The following HMCN2 variants were observed in gnomAD, a reference collection of about 807,000 sequenced individuals.
HMCN2 encodes the protein hemicentin 2.
HMCN2 carries 325 observed loss-of-function variants against 377.5 expected under a neutral mutation model. The observed-to-expected ratio is 0.86, with a 90% confidence interval of 0.79 to 0.94. The LOEUF (loss-of-function observed/expected upper bound fraction) is 0.94. Among genes scored for constraint, HMCN2 ranks in the 40% least tolerant of loss-of-function variants. The pLI, the probability that HMCN2 is intolerant of heterozygous loss-of-function variation, is 0.00. For synonymous variants in HMCN2, 2,007 were observed against 2,046.8 expected (o/e 0.98, Z 0.53); for missense variants, 4,543 against 4,725.3 (o/e 0.96, Z 1.13).
intron 44 of HMCN2, 89 bp downstream of exon 44, chr9:130,368,526 G>A (rs929654990): frequency 1.8e-5 from 13 of 721,242 alleles, no homozygotes; most frequent in Non-Finnish European, 2.2e-5. Context: ...ATACGGGGAA[G>A]TGATGGTGTG....
At chr9:130,348,852 G>T (rs1839539079) in intron 27 of HMCN2, 132 bp from the exon 28 acceptor site, 1 of 1,202,144 alleles carries the variant, frequency 8.3e-7, no homozygotes, top group African/African-American at 1.6e-5. Context: ...AGCCTGGCAG[G>T]GGCTGCGTGG....
chr9:130,341,487 G>A (rs1202788445), intron 24 of HMCN2, 122 bp downstream of exon 24: 1 of 152,300 alleles, frequency 6.6e-6, no homozygotes, highest in Non-Finnish European at 1.5e-5. Context: ...TCGTGGGACA[G>A]ATAGAGCCCT....
In HMCN2 at chr9:130,422,134, C is replaced by T. The variant is rs903465745; in HGVS notation, c.13232-443C>T. ...GGCCAGCAGCACTGATGGAATGGGG[C>T]TGTTCAGGTGATGGCACCCGGCTCT... On this transcript the variant is annotated intron_variant, in intron 86 of 97. Transcript: ENST00000683500. The surrounding 1 kb of genome is among the most constrained non-coding windows in gnomAD (Gnocchi z 4.2). 6.6e-6 allele frequency among the ~76,000 whole-genome samples: 1 copy of T among 152,244 alleles called. No homozygotes were observed. Among genetic ancestry groups the T allele is most frequent in the Non-Finnish European group, 1.5e-5 (1 of 68,048 alleles).
chr9:130,355,092 G>C (rs1450494551), intron 32 of HMCN2, 48 bp downstream of exon 32: 22 of 1,219,982 alleles, frequency 1.8e-5, no homozygotes, highest in Non-Finnish European at 2.2e-5. Context: ...GTGGACGTCT[G>C]CCCAGGCCTG....
intron 79 of HMCN2, 118 bp downstream of exon 79, chr9:130,403,446 G>A: frequency 8.8e-7 from 1 of 1,132,840 alleles, no homozygotes; most frequent in Non-Finnish European, 1.1e-6. Context: ...GTCCTGGAAA[G>A]CCCCTGGCCT....
At chr9:130,390,163 C>T (rs1842231202) in intron 62 of HMCN2, among the ~76,000 whole-genome samples, 1 of 152,238 alleles carries the variant, frequency 6.6e-6, no homozygotes, top group South Asian at 2.1e-4. Context: ...CCCACCCAGG[C>T]TCCCGTGGTC....
At chr9:130,425,564 G>GGGCTTGGGGA (rs1844288398) in intron 89 of HMCN2, 123 bp from the exon 90 acceptor site, 1 of 721,404 alleles carries the variant, frequency 1.4e-6, no homozygotes, top group Admixed American at 2.3e-5. Context: ...CCCTGAGTTG[G>GGGCTTGGGGA]GGTAAGGGTC....
intron 1 of HMCN2, among the ~76,000 whole-genome samples, chr9:130,280,614 A>C (rs1163755891): frequency 6.6e-6 from 1 of 152,112 alleles, no homozygotes; most frequent in African/African-American, 2.4e-5. Context: ...TGACTGAGTA[A>C]CTTTCTGAAA....
intron 85 of HMCN2, among the ~76,000 whole-genome samples, chr9:130,413,679 G>A (rs1415163165): frequency 2.6e-5 from 4 of 152,054 alleles, no homozygotes; most frequent in Non-Finnish European, 4.4e-5. Context: ...ATCCTGGGCC[G>A]CATACTTGAG....
In HMCN2 at chr9:130,285,356, C is replaced by T. The variant is rs186993121; in HGVS notation, c.489+40C>T. On this transcript the variant is annotated intron_variant, in intron 3 of 97. Transcript: ENST00000683500. The stretch of plus-strand genomic sequence containing the variant: ...TGTGGGGGCCCAAAGTGGGGTCCCC[C>T]GGGGGTCCCGAGGAAGCTGGGGTCT... The T allele has an allele frequency of 1.7e-4, 78 of 467,552 alleles. 1 individual carries two copies. The East Asian group carries it at 3.2e-3, about 19-fold the overall frequency. 29.0% of individuals were successfully genotyped at this position (467,552 alleles called of 1,614,324 possible). A position where few individuals can be genotyped will look rare whatever the true frequency, so the allele number is the denominator to read the frequency against.
chr9:130,383,653 G>T, intron 57 of HMCN2, 53 bp downstream of exon 57: 1 of 856,280 alleles, frequency 1.2e-6, no homozygotes, highest in Non-Finnish European at 1.4e-6. Flanking sequence ...CTTCCCAGGG[G>T]GCACTGCCTT....
At chr9:130,419,112 C>A in intron 86 of HMCN2, 71 bp downstream of exon 86, 2 of 1,374,944 alleles carry the variant, frequency 1.5e-6, no homozygotes, top group Non-Finnish European at 1.9e-6. Context: ...TTGTGTGGTG[C>A]TTATGGGAGA....
At chr9:130,324,324 A>C (rs1483149634) in intron 19 of HMCN2, among the ~76,000 whole-genome samples, 3 of 152,204 alleles carry the variant, frequency 2.0e-5, no homozygotes, top group Non-Finnish European at 4.4e-5. Context: ...AGGTTCATCC[A>C]TGGTGTAGCA....
intron 62 of HMCN2, 107 bp downstream of exon 62, chr9:130,388,647 A>T: frequency 1.2e-6 from 1 of 806,640 alleles, no homozygotes; most frequent in Non-Finnish European, 1.5e-6. Context: ...ATCTTGGCAA[A>T]ACCAGAGACT....
rs141468114 is a variant in HMCN2, at chr9:130,353,044, A to G, written c.4703A>G (p.Lys1568Arg). The change falls in exon 31 of 98, where the codon AAG (lysine) becomes AGG (arginine). Residue 1568 changes from lysine to arginine, a missense_variant. Physicochemically the swap from Lys to Arg is conservative, Grantham distance 26 (BLOSUM62 2). This residue lies in a region of HMCN2 where 1,032 missense variants were observed against 1,285.1 expected (regional missense o/e 0.80). Transcript: ENST00000683500. ...GVPTPNITWFKDGALLPTSTK... is the reference protein window; with the variant it reads ...GVPTPNITWFRDGALLPTSTK... ...CCCACCCCAAACATCACCTGGTTCA[A>G]GGACGGGGCCCTGCTCCCCACCAGC... is the stretch of plus-strand genomic sequence containing the variant. The G allele has an allele frequency of 1.3e-4, 173 of 1,304,198 alleles. No homozygotes were observed. The highest frequency in any genetic ancestry group is 1.6e-4 in the Admixed American group (7 of 43,558). 80.8% of individuals were successfully genotyped at this position (1,304,198 alleles called of 1,614,324 possible).
chr9:130,347,898 G>A lies in HMCN2; in HGVS notation c.4024+538G>A. The A allele has an allele frequency of 1.8e-6, 1 of 540,972 alleles. No individual in the cohort carries two copies. The allele number at this position is 540,972 out of a possible 1,614,324, so 33.5% of individuals were successfully genotyped here. On this transcript the variant is annotated intron_variant, in intron 26 of 97. Coordinates refer to ENST00000683500, the MANE Select transcript of HMCN2 (RefSeq NM_001291815.2). This position sits in a 1 kb window ranked among gnomAD's most constrained non-coding sequence, Gnocchi z 5.1. ...TTTAAAAATGAGCACGGATGGCAGT[G>A]CAGAGCCCCAGAGCCCACCTCCGGG...
At chr9:130,433,202 G>A (rs1844866702) in intron 97 of HMCN2, 146 bp from the exon 98 acceptor site, 4 of 590,452 alleles carry the variant, frequency 6.8e-6, no homozygotes, top group Non-Finnish European at 1.1e-5. Context: ...AGCCTGCAGA[G>A]AAGGCGTGTG....
In HMCN2 at chr9:130,417,113, A is replaced by G. The variant is rs377141708; in HGVS notation, c.12962-1659A>G. 4.6e-5 allele frequency among the ~76,000 whole-genome samples: 7 copies of G among 150,586 alleles called. No homozygotes were observed. The East Asian group carries it at 1.4e-3, about 30-fold the overall frequency. On this transcript the variant is annotated intron_variant, in intron 85 of 97. Coordinates refer to ENST00000683500, the MANE Select transcript of HMCN2 (RefSeq NM_001291815.2). ...TTTTTAGTAGAAATAGGGTTTCACC[A>G]TGTTGGCCAGGCTCTTCTCAAATTC... is the stretch of plus-strand genomic sequence containing the variant.
At position 130,423,800 on chromosome 9, in the gene HMCN2, G is replaced by T. The variant is rs550320798; in HGVS notation, c.13382-976G>T. Among the ~76,000 whole-genome samples the T allele has an allele frequency of 6.6e-6, 1 of 152,166 alleles. No individual in the cohort carries two copies. Among genetic ancestry groups the T allele is most frequent in the African/African-American group, 2.4e-5 (1 of 41,440 alleles). ...CATTTTTTGGTTCTTTTTTCAAACG[G>T]TTTGGAACAAACCGGGGCTGGTCCA... On this transcript the variant is annotated intron_variant, in intron 87 of 97. Transcript: ENST00000683500. This position sits in a 1 kb window ranked among gnomAD's most constrained non-coding sequence, Gnocchi z 5.5.
Sources: allele counts gnomAD v4.1 joint callset (sites outside exome capture counted in the v4.1 genomes callset), GRCh38; gene constraint gnomAD v4.1.1; regional missense constraint gnomAD v4.1.1; non-coding constraint Gnocchi (gnomAD v3.1); transcripts MANE v1.5; gene names NCBI Gene and HGNC (gene_info 2026-07-23, HGNC 2026-07-21).